Variants in ARID5B observed in about 807,000 individuals in gnomAD.
The protein encoded by ARID5B is AT-rich interaction domain 5B.
In ARID5B, 13 loss-of-function variants were observed where a neutral mutation model predicts 97.2. The observed-to-expected ratio is 0.13, with a 90% confidence interval of 0.09 to 0.21. The LOEUF (loss-of-function observed/expected upper bound fraction) is 0.21, where lower values mean the gene tolerates loss of function less well. Ranked by LOEUF, ARID5B falls within the 10% of genes least tolerant of loss-of-function variation. The pLI is 1.00. For synonymous variants in ARID5B, 556 were observed against 570.3 expected, an observed-to-expected ratio of 0.97 and a Z score of 0.36; for missense variants, 1,210 against 1,465.3, an observed-to-expected ratio of 0.83 and a Z score of 2.84.
At chr10:61,988,473 TA>T (rs1343463952) in intron 3 of ARID5B, among the ~76,000 whole-genome samples, 1 of 152,202 alleles carries the variant, frequency 6.6e-6, no homozygotes, top group African/African-American at 2.4e-5. Context: ...TGATTTTTGT[TA>T]TTCACCAGAA....
chr10:62,046,853 A>G (rs1839714731), intron 4 of ARID5B: 1 of 152,124 alleles, frequency 6.6e-6, no homozygotes, highest in Admixed American at 6.6e-5. Flanking sequence ...ACTCGCTGTC[A>G]ATTCTGTCGG....
chr10:61,943,997 G>A (rs1036430920), intron 3 of ARID5B, among the ~76,000 whole-genome samples: 1 of 152,106 alleles, frequency 6.6e-6, no homozygotes, highest in African/African-American at 2.4e-5. Flanking sequence ...TAAAACTACA[G>A]ATCTGGATAG....
intron 3 of ARID5B, among the ~76,000 whole-genome samples, chr10:61,963,101 G>A (rs1396494815): frequency 6.6e-6 from 1 of 152,048 alleles, no homozygotes; most frequent in Non-Finnish European, 1.5e-5. Flanking sequence ...GAGAGTGTCC[G>A]ACTGAGATTA....
intron 3 of ARID5B, among the ~76,000 whole-genome samples, chr10:61,973,063 A>G (rs1462992277): frequency 6.6e-6 from 1 of 152,160 alleles, no homozygotes; most frequent in African/African-American, 2.4e-5. Flanking sequence ...AGACAACCCA[A>G]CACTAAGAGA....
intron 4 of ARID5B, among the ~76,000 whole-genome samples, chr10:62,006,368 T>C (rs950040207): frequency 2.0e-5 from 3 of 152,056 alleles, no homozygotes; most frequent in African/African-American, 7.2e-5. Context: ...CTTGAACCCA[T>C]GAGGCAGAGG....
intron 4 of ARID5B, among the ~76,000 whole-genome samples, chr10:62,030,601 A>G (rs1318123970): frequency 1.3e-5 from 2 of 152,204 alleles, no homozygotes; most frequent in Admixed American, 6.5e-5. Context: ...TAAGTAAACA[A>G]TTTTTGGTGA....
intron 2 of ARID5B, among the ~76,000 whole-genome samples, chr10:61,907,189 T>C (rs910172759): frequency 1.3e-5 from 2 of 152,124 alleles, no homozygotes; most frequent in Admixed American, 1.3e-4. Flanking sequence ...GTCTTAAGGA[T>C]TTACATTTTA....
intron 8 of ARID5B, among the ~76,000 whole-genome samples, chr10:62,083,285 A>G (rs1840238337): frequency 1.0e-4 from 3 of 29,148 alleles, no homozygotes; most frequent in South Asian, 1.2e-3. Context: ...TGAAGGGGAG[A>G]AAAAAAAAAA....
Position 62,057,176 on chromosome 10 carries a change from A to T in ARID5B, c.906A>T (p.Lys302Asn). The T allele has an allele frequency of 6.2e-7, 1 of 1,613,786 alleles. No homozygotes were observed. The highest frequency in any genetic ancestry group is 8.5e-7 in the Non-Finnish European group (1 of 1,179,778). Residue 302 changes from lysine (K) to asparagine (N), a missense_variant, in exon 6 of 10, where the codon AAA becomes AAT. Coordinates refer to ENST00000279873, the MANE Select transcript of ARID5B (RefSeq NM_032199.3). ...TKPKNNHNCK[K>N]VSNEEKPKVA... is the part of the protein sequence containing the mutation. ...CGAAGAATAACCATAACTGTAAAAA[A>T]GTCTCAAATGAAGAAAAACCAAAGG...
chr10:61,955,144 T>C lies in ARID5B; in HGVS notation c.502+14736T>C, dbSNP rs528987904. ...GCAACATTTCTAAAACCTCAATAGC[T>C]GAACACAACAAAGACTGACTTCTTG... On this transcript the variant is annotated intron_variant, in intron 3 of 9. Transcript: ENST00000279873. Among the ~76,000 whole-genome samples the C allele has an allele frequency of 7.9e-5, 12 of 152,338 alleles. No homozygotes were observed. The South Asian group carries it at 2.3e-3, about 29-fold the overall frequency.
intron 7 of ARID5B, among the ~76,000 whole-genome samples, chr10:62,063,527 G>A (rs1257770253): frequency 6.6e-6 from 1 of 151,672 alleles, no homozygotes. Flanking sequence ...AAAAAAAAGA[G>A]GAGCAGAAGT....
chr10:62,092,505 C>T lies in ARID5B; in HGVS notation c.3042C>T (p.Arg1014=), dbSNP rs776534750. The T allele has an allele frequency of 6.2e-7, 1 of 1,614,188 alleles. No homozygotes were observed. The highest frequency in any genetic ancestry group is 1.7e-5 in the Admixed American group (1 of 60,026). Residue 1014 remains arginine, a synonymous_variant, in exon 10 of 10, where the codon CGC becomes CGT. Transcript: ENST00000279873. ...TTGGGGCGGCGCGGCCGATCAAGCGCAGCCTGGAGGATTTGGACCTTGTGA... is the reference window on the plus strand; with the variant it reads ...TTGGGGCGGCGCGGCCGATCAAGCGTAGCCTGGAGGATTTGGACCTTGTGA... ...QNIGAARPIK[R]SLEDLDLVIA... is the part of the protein sequence containing the mutation.
intron 7 of ARID5B, among the ~76,000 whole-genome samples, chr10:62,064,186 C>T (rs562595759): frequency 4.1e-4 from 63 of 152,240 alleles, no homozygotes; most frequent in Non-Finnish European, 8.2e-4. Context: ...AAGACATCCT[C>T]TGAATCTAAC....
At chr10:62,027,503 C>T (rs534840217) in intron 4 of ARID5B, among the ~76,000 whole-genome samples, 12 of 151,062 alleles carry the variant, frequency 7.9e-5, no homozygotes, top group South Asian at 6.3e-4. Flanking sequence ...GTAGTAGAGA[C>T]GGGGTTTCAC....
chr10:62,062,235 C>T (rs1839930171), intron 7 of ARID5B, among the ~76,000 whole-genome samples: 1 of 152,192 alleles, frequency 6.6e-6, no homozygotes, highest in South Asian at 2.1e-4. Flanking sequence ...GGACACTTAT[C>T]TTTGACATGA....
chr10:62,017,967 G>C (rs1839305002), intron 4 of ARID5B, among the ~76,000 whole-genome samples: 1 of 152,154 alleles, frequency 6.6e-6, no homozygotes. Flanking sequence ...AAATGCCAGA[G>C]AAAGCCATTT....
chr10:62,022,960 C>A (rs928289250), intron 4 of ARID5B, among the ~76,000 whole-genome samples: 1 of 152,136 alleles, frequency 6.6e-6, no homozygotes, highest in Non-Finnish European at 1.5e-5. Flanking sequence ...TGTTTTCTTA[C>A]GAGTTTTGAT....
rs914495508 is a variant in ARID5B, at chr10:62,061,240, C to T, written c.1101+1945C>T. ...CCTACACAGGTAAAGTACTTACTCA[C>T]GTAGAGATGAGAGAAGGAAGGCTTG... On this transcript the variant is annotated intron_variant, in intron 7 of 9. Coordinates refer to ENST00000279873, the MANE Select transcript of ARID5B (RefSeq NM_032199.3). Among the ~76,000 whole-genome samples, 5 of 152,066 alleles carry T rather than the reference C, an allele frequency of 3.3e-5. No individual in the cohort carries two copies. In the East Asian group the frequency reaches 5.8e-4, roughly 18 times the overall value.
intron 8 of ARID5B, among the ~76,000 whole-genome samples, chr10:62,070,904 A>G (rs1840054549): frequency 6.6e-6 from 1 of 152,188 alleles, no homozygotes; most frequent in Non-Finnish European, 1.5e-5. Flanking sequence ...CACTGTATGT[A>G]TAAGGTACAC....
Sources: gnomAD v4.1 joint callset for allele counts (sites outside exome capture counted in the v4.1 genomes callset) on GRCh38, gnomAD v4.1.1 for gene constraint, MANE v1.5 for transcripts, NCBI Gene and HGNC (gene_info 2026-07-23, HGNC 2026-07-21) for gene names.